The following BBS9 variants were observed in gnomAD, a reference collection of about 807,000 sequenced individuals.
The protein encoded by BBS9 is protein PTHB1.
In BBS9, 89 loss-of-function variants were observed where a neutral mutation model predicts 117.7. The ratio of observed to expected loss-of-function variants is 0.76; its 90% CI spans 0.64 to 0.90. BBS9 has a LOEUF of 0.90. Among genes scored for constraint, BBS9 ranks in the 40% least tolerant of loss-of-function variants. BBS9 has a pLI of 0.00. For missense variants in BBS9, 982 were observed against 1,042.2 expected (o/e 0.94, Z 0.80); for synonymous variants, 379 against 370.9 (o/e 1.02, Z -0.25).
At chr7:33,444,977 G>A (rs1290699541) in intron 19 of BBS9, among the ~76,000 whole-genome samples, 1 of 152,142 alleles carries the variant, frequency 6.6e-6, no homozygotes, top group African/African-American at 2.4e-5. Context: ...ATTTTCAGCT[G>A]TCTAGGGAAG....
chr7:33,411,507 T>C (rs1831134919), intron 19 of BBS9, among the ~76,000 whole-genome samples: 1 of 152,196 alleles, frequency 6.6e-6, no homozygotes, highest in Non-Finnish European at 1.5e-5. Flanking sequence ...CCTATACATG[T>C]AAATTTAAAC....
chr7:33,281,656 G>A (rs987226345), intron 9 of BBS9, among the ~76,000 whole-genome samples: 1 of 151,880 alleles, frequency 6.6e-6, no homozygotes, highest in Non-Finnish European at 1.5e-5. Flanking sequence ...GATTACAGGT[G>A]TGAGCCATTG....
intron 5 of BBS9, among the ~76,000 whole-genome samples, chr7:33,179,967 T>C (rs1797868219): frequency 1.3e-5 from 2 of 152,198 alleles, no homozygotes; most frequent in African/African-American, 2.4e-5. Context: ...TTTCAGTAAA[T>C]AGCCTTTTCC....
intron 19 of BBS9, among the ~76,000 whole-genome samples, chr7:33,421,993 T>C (rs950673258): frequency 7.2e-5 from 11 of 151,934 alleles, no homozygotes; most frequent in Middle Eastern, 3.2e-3. Context: ...ACCCAGAAAA[T>C]CATAGTTTAA....
intron 20 of BBS9, among the ~76,000 whole-genome samples, chr7:33,518,245 C>CTTT (rs747829401): frequency 3.2e-3 from 305 of 93,908 alleles, no homozygotes; most frequent in Non-Finnish European, 3.9e-3. Context: ...TGTATATATT[C>CTTT]TTTTTTTTTT....
chr7:33,147,660 AATTTCAAACCC>A (rs1334268415), intron 2 of BBS9, among the ~76,000 whole-genome samples: 3 of 152,200 alleles, frequency 2.0e-5, no homozygotes, highest in Non-Finnish European at 4.4e-5. Flanking sequence ...CAGAGAGAAC[AATTTCAAACCC>A]ACTTCTGCCT....
At chr7:33,478,710 T>A (rs1199436888) in intron 19 of BBS9, among the ~76,000 whole-genome samples, 1 of 152,178 alleles carries the variant, frequency 6.6e-6, no homozygotes, top group Non-Finnish European at 1.5e-5. Flanking sequence ...TTTTGTTTGT[T>A]TTTCTTTTTA....
intron 21 of BBS9, among the ~76,000 whole-genome samples, chr7:33,612,388 C>G (rs1864926479): frequency 6.6e-6 from 1 of 152,028 alleles, no homozygotes; most frequent in Non-Finnish European, 1.5e-5. Context: ...CCCAAAATGT[C>G]AATAACAAAT....
chr7:33,485,438 T>G (rs574257105), intron 19 of BBS9, among the ~76,000 whole-genome samples: 24 of 151,142 alleles, frequency 1.6e-4, no homozygotes, highest in Admixed American at 1.1e-3. Context: ...GCCTCCCGAG[T>G]AGCTGGGACT....
chr7:33,619,871 A>T (rs1048790784), intron 21 of BBS9, among the ~76,000 whole-genome samples: 5 of 152,180 alleles, frequency 3.3e-5, no homozygotes, highest in African/African-American at 1.2e-4. Flanking sequence ...AGGAAAGTTT[A>T]TAGCAATAAA....
intron 21 of BBS9, among the ~76,000 whole-genome samples, chr7:33,560,935 C>G (rs1222240224): frequency 6.6e-6 from 1 of 152,166 alleles, no homozygotes; most frequent in Non-Finnish European, 1.5e-5. Flanking sequence ...CCTACCCATC[C>G]CTATTTTTAA....
At chr7:33,308,129 T>A (rs2128544164) in intron 9 of BBS9, among the ~76,000 whole-genome samples, 1 of 152,254 alleles carries the variant, frequency 6.6e-6, no homozygotes, top group Non-Finnish European at 1.5e-5. Flanking sequence ...CAGCATGTTG[T>A]TAGTTTGATA....
intron 20 of BBS9, among the ~76,000 whole-genome samples, chr7:33,531,674 T>C (rs150528528): frequency 5.9e-5 from 9 of 152,236 alleles, no homozygotes; most frequent in Non-Finnish European, 7.4e-5. Context: ...TGGGCTGTCA[T>C]GTAGAAGAGA....
At chr7:33,356,541 G>T in intron 15 of BBS9, among the ~76,000 whole-genome samples, 1 of 151,744 alleles carries the variant, frequency 6.6e-6, no homozygotes, top group East Asian at 1.9e-4. Flanking sequence ...AATGAGCTAC[G>T]TAAAACTTGA....
At chr7:33,442,969 T>A (rs1836438057) in intron 19 of BBS9, among the ~76,000 whole-genome samples, 1 of 152,084 alleles carries the variant, frequency 6.6e-6, no homozygotes, top group Non-Finnish European at 1.5e-5. Flanking sequence ...TGGCATCTTA[T>A]ATGTCATGTA....
chr7:33,234,463 G>A (rs923784395), intron 5 of BBS9, among the ~76,000 whole-genome samples: 3 of 151,902 alleles, frequency 2.0e-5, no homozygotes, highest in Non-Finnish European at 4.4e-5. Context: ...CATATAGTTA[G>A]CATTTTTTCC....
chr7:33,505,883 A>G (rs1474620045), intron 20 of BBS9: 6 of 533,138 alleles, frequency 1.1e-5, no homozygotes, highest in Non-Finnish European at 2.0e-5. Flanking sequence ...TCTACTTTTT[A>G]TGTGTTCTTC....
chr7:33,346,224 C>T (rs767497666), intron 12 of BBS9: 19 of 468,540 alleles, frequency 4.1e-5, no homozygotes, highest in South Asian at 3.0e-4. Flanking sequence ...TTTATAACAA[C>T]AGCAGCCAAG....
At chr7:33,338,024 G>A (rs1326300288) in intron 10 of BBS9, among the ~76,000 whole-genome samples, 1 of 152,016 alleles carries the variant, frequency 6.6e-6, no homozygotes, top group Non-Finnish European at 1.5e-5. Flanking sequence ...CCTTGGGTGA[G>A]AAAGTTTAGG....
Sources: allele counts gnomAD v4.1 joint callset (sites outside exome capture counted in the v4.1 genomes callset), GRCh38; gene constraint gnomAD v4.1.1; transcripts MANE v1.5; gene names NCBI Gene and HGNC (gene_info 2026-07-23, HGNC 2026-07-21).